Variants in DOT1L observed in about 807,000 individuals in gnomAD.
DOT1L encodes histone-lysine N-methyltransferase, H3 lysine-79 specific.
In DOT1L, 33 loss-of-function variants were observed where a neutral mutation model predicts 153.3. The ratio of observed to expected loss-of-function variants is 0.22; its 90% CI spans 0.16 to 0.29. The LOEUF (loss-of-function observed/expected upper bound fraction) is 0.29. Among genes scored for constraint, DOT1L ranks in the 10% least tolerant of loss-of-function variants. The probability of loss-of-function intolerance (pLI) is 1.00; values close to 1 mark genes in which losing one functional copy is unlikely to be tolerated. For missense variants in DOT1L, 1,847 were observed against 2,119.9 expected, an observed-to-expected ratio of 0.87 and a Z score of 2.53; for synonymous variants, 1,135 against 965.1, an observed-to-expected ratio of 1.18 and a Z score of -3.26.
chr19:2,201,097 C>G (rs1555721690), intron 8 of DOT1L, among the ~76,000 whole-genome samples: 1 of 124,920 alleles, frequency 8.0e-6, no homozygotes, highest in African/African-American at 3.0e-5. Context: ...ATTCCTCGTC[C>G]TCCCCGCATT....
chr19:2,191,427 C>T lies in DOT1L; in HGVS notation c.493+187C>T. On this transcript the variant is annotated intron_variant, in intron 5 of 27. Transcript: ENST00000398665. This position sits in a 1 kb window ranked among gnomAD's most constrained non-coding sequence, Gnocchi z 6.8. ...TTCCCCAGCCCTGACCGGGCTCCAC[C>T]CAGAGGGGAGAAATCGCAGGAACCC... 1.6e-6 allele frequency: 1 copy of T among 639,144 alleles called. No homozygotes were observed. Among genetic ancestry groups the T allele is most frequent in the African/African-American group, 1.8e-5 (1 of 54,624 alleles). The allele number at this position is 639,144 out of a possible 1,614,324, so 39.6% of individuals were successfully genotyped here. A position where few individuals can be genotyped will look rare whatever the true frequency, so the allele number is the denominator to read the frequency against.
intron 22 of DOT1L, among the ~76,000 whole-genome samples, chr19:2,219,790 C>T (rs554249756): frequency 9.2e-5 from 14 of 152,310 alleles, no homozygotes; most frequent in Admixed American, 2.6e-4. Flanking sequence ...AGCCGCTTCC[C>T]GGTGAGGGCG....
In DOT1L at chr19:2,229,806, A is replaced by G; in HGVS notation, c.*14A>G. ...GCAGGTAACTAGGATTTCTACCTCAACCGCGAGACCTATGCAAGGACGGTG... is the reference window on the plus strand; with the variant it reads ...GCAGGTAACTAGGATTTCTACCTCAGCCGCGAGACCTATGCAAGGACGGTG... On this transcript the variant is annotated 3_prime_UTR_variant, in exon 28 of 28. Coordinates refer to ENST00000398665, the MANE Select transcript of DOT1L (RefSeq NM_032482.3). The G allele has an allele frequency of 6.2e-7, 1 of 1,613,204 alleles. No homozygotes were observed. The highest frequency in any genetic ancestry group is 8.5e-7 in the Non-Finnish European group (1 of 1,179,920).
intron 16 of DOT1L, chr19:2,212,875 T>C (rs1351278956): frequency 6.6e-6 from 1 of 152,264 alleles, no homozygotes. Context: ...AGTGGGGAGC[T>C]AGGGCCGGGC....
Position 2,230,995 on chromosome 19 carries a change from C to T in DOT1L, c.*1203C>T, listed in dbSNP as rs530813335. On this transcript the variant is annotated 3_prime_UTR_variant, in exon 28 of 28. Coordinates refer to ENST00000398665, the MANE Select transcript of DOT1L (RefSeq NM_032482.3). ...ACCTGGCCTCTCTGGCCCTAGGCCC[C>T]AGGGTGACGTCGGCCCCCCACTCTG... 4.1e-6 allele frequency: 1 copy of T among 243,188 alleles called. No homozygotes were observed. The highest frequency in any genetic ancestry group is 5.5e-5 in the Admixed American group (1 of 18,020). The allele number at this position is 243,188 out of a possible 1,614,324, so 15.1% of individuals were successfully genotyped here.
intron 1 of DOT1L, among the ~76,000 whole-genome samples, chr19:2,169,681 C>A (rs1010771797): frequency 6.6e-6 from 1 of 152,138 alleles, no homozygotes; most frequent in Non-Finnish European, 1.5e-5. Context: ...TAAAAATCTG[C>A]TTGTTATCTG....
In DOT1L at chr19:2,226,553, G is replaced by T; in HGVS notation, c.4032G>T (p.Ala1344=). Residue 1344 remains alanine (A), a synonymous_variant, in exon 27 of 28, where the codon GCG becomes GCT. Coordinates refer to ENST00000398665, the MANE Select transcript of DOT1L (RefSeq NM_032482.3). ...GASLPHKGPE[A]AGLSSPLSFP... ...CTCTTCCCCACAAGGGCCCCGAGGC[G>T]GCCGGCCTGAGCTCCCCGCTGAGCT... The T allele has an allele frequency of 6.2e-7, 1 of 1,600,548 alleles. No individual in the cohort carries two copies. Among genetic ancestry groups the T allele is most frequent in the Non-Finnish European group, 8.5e-7 (1 of 1,179,242 alleles).
chr19:2,195,805 CT>C (rs1370601418), intron 7 of DOT1L, among the ~76,000 whole-genome samples: 1 of 152,238 alleles, frequency 6.6e-6, no homozygotes, highest in Non-Finnish European at 1.5e-5. Context: ...GACCCAGTTC[CT>C]GGGTGGAATC....
intron 16 of DOT1L, 114 bp from the exon 17 acceptor site, chr19:2,213,425 A>T: frequency 9.4e-7 from 1 of 1,061,986 alleles, no homozygotes. Context: ...CCCCTCAGGC[A>T]TGTCTGTCCT....
At chr19:2,203,728 G>C (rs1568350813) in intron 9 of DOT1L, among the ~76,000 whole-genome samples, 1 of 152,222 alleles carries the variant, frequency 6.6e-6, no homozygotes, top group Admixed American at 6.5e-5. Context: ...TGGAGACTGA[G>C]CCTGCCATTG....
intron 14 of DOT1L, 73 bp from the exon 15 acceptor site, chr19:2,211,026 G>A: frequency 6.6e-7 from 1 of 1,508,322 alleles, no homozygotes; most frequent in South Asian, 1.2e-5. Context: ...CTGGGCACCT[G>A]CCCCATGCTG....
chr19:2,213,461 A>T, intron 16 of DOT1L, 78 bp from the exon 17 acceptor site: 2 of 1,421,542 alleles, frequency 1.4e-6, no homozygotes, highest in Non-Finnish European at 2.0e-6. Flanking sequence ...GAAGCATGAG[A>T]GGCAGGGCGT....
At chr19:2,167,807 C>G (rs1416446106) in intron 1 of DOT1L, among the ~76,000 whole-genome samples, 1 of 150,662 alleles carries the variant, frequency 6.6e-6, no homozygotes, top group Non-Finnish European at 1.5e-5. Flanking sequence ...ACAATCTCCA[C>G]TCACTGCAAG....
chr19:2,165,177 C>T (rs1358757363), intron 1 of DOT1L, among the ~76,000 whole-genome samples: 2 of 152,152 alleles, frequency 1.3e-5, no homozygotes, highest in Non-Finnish European at 2.9e-5. Context: ...GGCGCGTTTT[C>T]GGGGAAAAGT....
chr19:2,228,804 A>G (rs2024479060), intron 27 of DOT1L: 3 of 985,366 alleles, frequency 3.0e-6, no homozygotes, highest in Non-Finnish European at 3.6e-6. Context: ...GGCGCCCAGC[A>G]TGTAGCAGGC....
At chr19:2,172,690 A>G (rs1025122506) in intron 1 of DOT1L, among the ~76,000 whole-genome samples, 4 of 151,660 alleles carry the variant, frequency 2.6e-5, no homozygotes, top group African/African-American at 7.3e-5. Context: ...TTTTTAGTGG[A>G]GACGGGGTTT....
rs1179109003 is a variant in DOT1L at position 2,208,656 on chromosome 19, G to A, written c.964-279G>A. 6.6e-6 allele frequency among the ~76,000 whole-genome samples: 1 copy of A among 152,160 alleles called. No individual in the cohort carries two copies. Among genetic ancestry groups the A allele is most frequent in the Admixed American group, 6.5e-5 (1 of 15,270 alleles). On this transcript the variant is annotated intron_variant, in intron 11 of 27. Transcript: ENST00000398665. The surrounding 1 kb of genome is among the most constrained non-coding windows in gnomAD (Gnocchi z 4.4). ...GCAGAAAGCCCTCCCTCTTCCAGAA[G>A]CAGAGACACATCCCAGGGCCCTGTG...
rs186605388 is a variant in DOT1L at position 2,187,885 on chromosome 19, G to A, written c.201-1847G>A. The stretch of plus-strand genomic sequence containing the variant: ...TGCAGTGAGCTGAGATCGCGCCACC[G>A]CACTCCAGCCTGGGTGACAGAGCGA... On this transcript the variant is annotated intron_variant, in intron 3 of 27. Coordinates refer to ENST00000398665, the MANE Select transcript of DOT1L (RefSeq NM_032482.3). Among the ~76,000 whole-genome samples the A allele has an allele frequency of 3.1e-3, 456 of 147,228 alleles. 2 individuals are homozygous for A. Among genetic ancestry groups the A allele is most frequent in the African/African-American group, 0.01 (408 of 39,588 alleles).
chr19:2,214,058 C>T (rs2074552), intron 18 of DOT1L, 72 bp downstream of exon 18: 927,800 of 1,539,006 alleles, frequency 0.6, 285,102 homozygotes, highest in Non-Finnish European at 0.63. Context: ...GTCCTCTGTG[C>T]GGGTGGGAGG....
Sources: allele counts gnomAD v4.1 joint callset (sites outside exome capture counted in the v4.1 genomes callset), GRCh38; gene constraint gnomAD v4.1.1; non-coding constraint Gnocchi (gnomAD v3.1); transcripts MANE v1.5; gene names NCBI Gene and HGNC (gene_info 2026-07-23, HGNC 2026-07-21).